The following MTCL1 variants were observed in gnomAD, a reference collection of about 807,000 sequenced individuals.
The protein encoded by MTCL1 is microtubule crosslinking factor 1.
A neutral mutation model predicts 141.4 loss-of-function variants in MTCL1; 79 were observed. That is an observed-to-expected ratio of 0.56 (90% CI 0.47 to 0.67). The LOEUF (loss-of-function observed/expected upper bound fraction) is 0.67. Among genes scored for constraint, MTCL1 ranks in the 30% least tolerant of loss-of-function variants. The pLI is 0.00. For missense variants in MTCL1, 2,177 were observed against 2,113.9 expected (o/e 1.03, Z -0.59); for synonymous variants, 914 against 875.8 (o/e 1.04, Z -0.77).
At position 8,829,993 on chromosome 18, in the gene MTCL1, C is replaced by T. The variant is rs963709672; in HGVS notation, c.*18+1029C>T. On this transcript the variant is annotated intron_variant, in intron 16 of 16. Transcript: ENST00000359865. ...AGCACCAGCCAGGCGGAACGGGATA[C>T]GGTGGTGTCAGATAAACCTATGACA... 10 of 985,446 alleles carry T rather than the reference C, an allele frequency of 1.0e-5. No homozygotes were observed. In the East Asian group the frequency reaches 8.0e-4, roughly 78 times the overall value. 61.0% of individuals were successfully genotyped at this position (985,446 alleles called of 1,614,324 possible).
intron 1 of MTCL1, among the ~76,000 whole-genome samples, chr18:8,710,330 GACAGA>G (rs934884858): frequency 6.8e-5 from 3 of 44,346 alleles, no homozygotes; most frequent in African/African-American, 4.8e-4. Flanking sequence ...TGAAAACACA[GACAGA>G]AAAGCACTCT....
exon 1 of MTCL1, chr18:8,706,240 G>A (rs1290630943): frequency 3.3e-6 from 4 of 1,228,088 alleles, no homozygotes; most frequent in Non-Finnish European, 4.1e-6. Context: ...GACCTCGGTG[G>A]CCGGGTCCCC....
At chr18:8,736,941 A>G (rs903201570) in intron 4 of MTCL1, among the ~76,000 whole-genome samples, 2 of 152,142 alleles carry the variant, frequency 1.3e-5, no homozygotes, top group African/African-American at 2.4e-5. Context: ...CACCCGGCCT[A>G]TCCATCTATT....
intron 4 of MTCL1, among the ~76,000 whole-genome samples, chr18:8,721,755 A>G (rs1340548677): frequency 1.3e-5 from 2 of 152,138 alleles, no homozygotes; most frequent in Admixed American, 6.5e-5. Context: ...TCATCTGACA[A>G]TGCTGTGTGT....
In MTCL1 at chr18:8,827,402, G is replaced by A. The variant is rs561379627; in HGVS notation, c.4722+1170G>A. 8.1e-4 allele frequency among the ~76,000 whole-genome samples: 124 copies of A among 152,224 alleles called. 1 individual carries two copies. The highest frequency in any genetic ancestry group is 1.1e-3 in the Non-Finnish European group (75 of 68,040). On this transcript the variant is annotated intron_variant, in intron 15 of 16. Coordinates refer to ENST00000359865, the Ensembl canonical transcript of MTCL1. ...GAAATCTGAATAGGTCAGACCTGTG[G>A]AACTGCCAATGGCTTACAGAAGTGG... is the stretch of plus-strand genomic sequence containing the variant.
rs573383592 is a variant in MTCL1 at position 8,755,209 on chromosome 18, C to T, written c.358-22624C>T. On this transcript the variant is annotated intron_variant, in intron 4 of 16. Coordinates refer to ENST00000359865, the Ensembl canonical transcript of MTCL1. ...CAAAGGACTTGCCCAAGGTCACACG[C>T]GTGACAGGACGAGGGGCAGGACCTA... 5.3e-5 allele frequency among the ~76,000 whole-genome samples: 8 copies of T among 152,346 alleles called. No individual in the cohort carries two copies. In the East Asian group the frequency reaches 1.5e-3, roughly 29 times the overall value.
chr18:8,773,225 CA>C (rs1418836183), intron 4 of MTCL1, among the ~76,000 whole-genome samples: 1 of 152,114 alleles, frequency 6.6e-6, no homozygotes, highest in Non-Finnish European at 1.5e-5. Context: ...TTTGTAAGGC[CA>C]AGTTGCACCA....
chr18:8,827,156 C>T lies in MTCL1; in HGVS notation c.4722+924C>T, dbSNP rs376787555. On this transcript the variant is annotated intron_variant, in intron 15 of 16. Transcript: ENST00000359865. ...TGAGCACTCTCCGAGCCAGGCTGCT[C>T]CCGCAGATGGCGGGGGTCAGAGGAG... 3.1e-4 allele frequency among the ~76,000 whole-genome samples: 47 copies of T among 152,360 alleles called. 1 individual carries two copies. The South Asian group carries it at 9.7e-3, about 32-fold the overall frequency.
At chr18:8,818,875 A>T in intron 12 of MTCL1, 88 bp from the exon 12 acceptor site, 1 of 1,331,888 alleles carries the variant, frequency 7.5e-7, no homozygotes, top group Non-Finnish European at 1.0e-6. Flanking sequence ...ACCTATGTGT[A>T]ATTGCAAATT....
chr18:8,728,608 T>G (rs2096231100), intron 4 of MTCL1, among the ~76,000 whole-genome samples: 1 of 152,064 alleles, frequency 6.6e-6, no homozygotes, highest in South Asian at 2.1e-4. Flanking sequence ...GAATTCTCAC[T>G]CCGAATAGTG....
chr18:8,718,505 C>G, exon 3 of MTCL1: 1 of 1,614,196 alleles, frequency 6.2e-7, no homozygotes, highest in Non-Finnish European at 8.5e-7. Flanking sequence ...GCTGCAGGAA[C>G]TTCGGCGAGA....
At chr18:8,807,097 G>A in intron 11 of MTCL1, 37 bp downstream of exon 10, 1 of 1,590,058 alleles carries the variant, frequency 6.3e-7, no homozygotes, top group Non-Finnish European at 8.6e-7. Context: ...TCCTGACTGT[G>A]TGTCTCTGCT....
At chr18:8,788,488 T>G (rs2075601393) in intron 7 of MTCL1, among the ~76,000 whole-genome samples, 2 of 152,174 alleles carry the variant, frequency 1.3e-5, no homozygotes, top group Non-Finnish European at 2.9e-5. Context: ...GCCTTATGGA[T>G]TTTTATATTT....
intron 4 of MTCL1, among the ~76,000 whole-genome samples, chr18:8,748,025 G>A (rs1229325007): frequency 6.6e-6 from 1 of 152,090 alleles, no homozygotes; most frequent in African/African-American, 2.4e-5. Context: ...TCATGTTGGT[G>A]CCCCTGGTCT....
chr18:8,785,827 GT>G, intron 6 of MTCL1, 108 bp from the exon 6 acceptor site: 1 of 1,383,328 alleles, frequency 7.2e-7, no homozygotes, highest in Non-Finnish European at 9.7e-7. Flanking sequence ...GTCCATTTTT[GT>G]TTTCTTTATC....
chr18:8,784,930 C>A, intron 6 of MTCL1, 87 bp downstream of exon 5: 2 of 1,220,912 alleles, frequency 1.6e-6, no homozygotes, highest in South Asian at 3.1e-5. Flanking sequence ...TCACGCTGCT[C>A]ACGGCTGCTT....
Position 8,815,646 on chromosome 18 carries a change from T to TA in MTCL1, c.2859+2426dup, listed in dbSNP as rs112636871. Among the ~76,000 whole-genome samples, 623 of 139,172 alleles carry TA rather than the reference T, an allele frequency of 4.5e-3. 4 individuals carry two copies. Among genetic ancestry groups the TA allele is most frequent in the African/African-American group, 0.01 (389 of 38,064 alleles). 91.3% of individuals were successfully genotyped at this position (139,172 alleles called of 152,430 possible). ...TAATTAAAAAAAAAAACATTAACAT[T>TA]AAAAAAAAAAAAAGAAAAGTCAGTG... On this transcript the variant is annotated intron_variant, in intron 12 of 16. Transcript: ENST00000359865.
At chr18:8,778,739 C>T (rs947439374) in intron 5 of MTCL1, among the ~76,000 whole-genome samples, 1 of 152,226 alleles carries the variant, frequency 6.6e-6, no homozygotes, top group Admixed American at 6.5e-5. Context: ...TTTTGGAATC[C>T]ATTAATAACA....
In MTCL1 at chr18:8,784,575, C is replaced by T. The variant is rs780447977; in HGVS notation, c.1463C>T (p.Ala488Val). Residue 488 changes from alanine to valine, a missense_variant, in exon 6 of 17, where the codon GCG (alanine) becomes GTG (valine). Transcript: ENST00000359865. Reference sequence around the variant, plus strand: ...CATGATGCGGGGCTGCGGGGTGGTGCGCCCTTACCGGGGCCTGGCCTCCAG... The same window carrying T: ...CATGATGCGGGGCTGCGGGGTGGTGTGCCCTTACCGGGGCCTGGCCTCCAG... 5.8e-5 allele frequency: 94 copies of T among 1,609,534 alleles called. No homozygotes were observed. Among genetic ancestry groups the T allele is most frequent in the East Asian group, 3.3e-4 (15 of 44,850 alleles).
Sources: gnomAD v4.1 joint callset for allele counts (sites outside exome capture counted in the v4.1 genomes callset) on GRCh38, gnomAD v4.1.1 for gene constraint, MANE v1.5 for transcripts, NCBI Gene and HGNC (gene_info 2026-07-23, HGNC 2026-07-21) for gene names.